CC2D2B: variants seen among roughly 807,000 people sequenced by gnomAD.
CC2D2B encodes coiled-coil and C2 domain containing 2B, also known as protein CC2D2B.
Under a neutral mutation model 161.2 loss-of-function variants are expected in CC2D2B, and 128 were observed. The ratio of observed to expected loss-of-function variants is 0.79; its 90% CI spans 0.69 to 0.92. The LOEUF (loss-of-function observed/expected upper bound fraction) is 0.92. Ranked by LOEUF, CC2D2B falls within the 40% of genes least tolerant of loss-of-function variation. The pLI is 0.00. For synonymous variants in CC2D2B, 391 were observed against 449.8 expected (o/e 0.87, Z 1.65); for missense variants, 1,173 against 1,375.1 (o/e 0.85, Z 2.32).
chr10:96,028,553 G>A (rs1049005181), intron 34 of CC2D2B, among the ~76,000 whole-genome samples: 2 of 152,140 alleles, frequency 1.3e-5, no homozygotes, highest in Non-Finnish European at 2.9e-5. Context: ...AACCACTATC[G>A]AGAATAGTTT....
intron 24 of CC2D2B, 110 bp from the exon 25 acceptor site, chr10:96,004,042 A>T (rs997199069): frequency 4.4e-5 from 29 of 664,548 alleles, no homozygotes; most frequent in Non-Finnish European, 6.5e-5. Flanking sequence ...TTTATACTTC[A>T]TAAAAGAAAA....
rs927340143 is a variant in CC2D2B at position 95,921,997 on chromosome 10, C to G, written c.37-19C>G. ...GACAAAACAAGATGCAAGTTTAACC[C>G]TCCCTGCTTTTTTTGCAGATGTCAG... On this transcript the variant is annotated intron_variant, in intron 2 of 34. Transcript: ENST00000646931. The G allele has an allele frequency of 1.4e-6, 2 of 1,469,092 alleles. No homozygotes were observed. The highest frequency in any genetic ancestry group is 4.4e-5 in the Admixed American group (2 of 45,302). The allele number at this position is 1,469,092 out of a possible 1,614,324, so 91.0% of individuals were successfully genotyped here.
chr10:95,954,231 G>A (rs1310355665), intron 10 of CC2D2B, among the ~76,000 whole-genome samples: 8 of 152,090 alleles, frequency 5.3e-5, no homozygotes, highest in Admixed American at 6.6e-5. Flanking sequence ...GAGTATATAT[G>A]TGTGTGTCAA....
chr10:96,011,197 A>G (rs2078974208), intron 26 of CC2D2B, among the ~76,000 whole-genome samples: 1 of 152,238 alleles, frequency 6.6e-6, no homozygotes, highest in South Asian at 2.1e-4. Flanking sequence ...TGAAGTCATG[A>G]TGGCACGTGT....
chr10:95,918,117 T>C (rs2098520048), intron 2 of CC2D2B, among the ~76,000 whole-genome samples: 1 of 152,194 alleles, frequency 6.6e-6, no homozygotes, highest in Non-Finnish European at 1.5e-5. Flanking sequence ...GGTTCAACTT[T>C]CAGTATTCCC....
At chr10:95,925,181 G>T (rs574899925) in intron 5 of CC2D2B, among the ~76,000 whole-genome samples, 4 of 152,308 alleles carry the variant, frequency 2.6e-5, no homozygotes, top group Non-Finnish European at 5.9e-5. Context: ...GAGTGCCACT[G>T]TGCAGATGGT....
Position 96,032,136 on chromosome 10 carries a change from A to T in CC2D2B, c.*128A>T. On this transcript the variant is annotated 3_prime_UTR_variant, in exon 35 of 35. Transcript: ENST00000646931. ...AAGTGCTGGGCCCAATTTTTGATTC[A>T]CTTACAGAGCTGGGCACTATGGAGA... 1.5e-6 allele frequency: 1 copy of T among 681,022 alleles called. No homozygotes were observed. Among genetic ancestry groups the T allele is most frequent in the Non-Finnish European group, 2.5e-6 (1 of 407,302 alleles). The allele number at this position is 681,022 out of a possible 1,614,324, so 42.2% of individuals were successfully genotyped here.
chr10:95,958,673 T>G (rs760143298), intron 11 of CC2D2B, among the ~76,000 whole-genome samples: 5 of 152,032 alleles, frequency 3.3e-5, no homozygotes, highest in African/African-American at 4.8e-5. Context: ...AGTGATCTTG[T>G]AGATAGGACA....
At chr10:96,013,917 G>A in intron 29 of CC2D2B, 40 bp downstream of exon 29, 8 of 957,084 alleles carry the variant, frequency 8.4e-6, no homozygotes, top group Non-Finnish European at 1.2e-5. Flanking sequence ...GAAATATATA[G>A]TATTTCTTTT....
Position 96,025,172 on chromosome 10 carries a change from T to TAAAAAAA in CC2D2B, c.3947+262_3947+263insAAAAAAA, listed in dbSNP as rs1564683838. On this transcript the variant is annotated intron_variant, in intron 33 of 34. Transcript: ENST00000646931. ...AAAAAAAAATATATATATATATATA[T>TAAAAAAA]ATATATATATATAAAAAAAAATATA... Among the ~76,000 whole-genome samples the TAAAAAAA allele has an allele frequency of 1.7e-3, 30 of 17,622 alleles. 1 individual carries two copies. Among genetic ancestry groups the TAAAAAAA allele is most frequent in the African/African-American group, 2.3e-3 (11 of 4,858 alleles). 11.6% of individuals were successfully genotyped at this position (17,622 alleles called of 152,430 possible). A position where few individuals can be genotyped will look rare whatever the true frequency, so the allele number is the denominator to read the frequency against.
intron 34 of CC2D2B, among the ~76,000 whole-genome samples, chr10:96,030,748 T>C (rs1371417756): frequency 6.6e-6 from 1 of 152,198 alleles, no homozygotes; most frequent in East Asian, 1.9e-4. Flanking sequence ...TAGGTTTTGC[T>C]TTGTTTTTAG....
At chr10:95,931,790 A>C (rs1312648447) in intron 6 of CC2D2B, among the ~76,000 whole-genome samples, 1 of 152,168 alleles carries the variant, frequency 6.6e-6, no homozygotes, top group Non-Finnish European at 1.5e-5. Flanking sequence ...GGAGTGTTTT[A>C]CTTCCAATTA....
At chr10:95,920,754 AGATG>A (rs2098525443) in intron 2 of CC2D2B, 1 of 152,260 alleles carries the variant, frequency 6.6e-6, no homozygotes, top group South Asian at 2.1e-4. Flanking sequence ...TTTAGTTAGC[AGATG>A]GTGAATTCTG....
intron 4 of CC2D2B, 107 bp from the exon 5 acceptor site, chr10:95,924,672 T>A: frequency 1.3e-6 from 1 of 761,544 alleles, no homozygotes; most frequent in Admixed American, 2.6e-5. Context: ...ACCACACTTT[T>A]TAAAAGAAAA....
intron 11 of CC2D2B, among the ~76,000 whole-genome samples, chr10:95,961,038 C>T (rs1243095013): frequency 1.3e-5 from 2 of 152,164 alleles, no homozygotes; most frequent in African/African-American, 4.8e-5. Flanking sequence ...CATCATACTG[C>T]ACCAAAGTAT....
At chr10:95,914,468 C>T (rs538695763) in intron 2 of CC2D2B, among the ~76,000 whole-genome samples, 3 of 152,132 alleles carry the variant, frequency 2.0e-5, no homozygotes, top group East Asian at 1.9e-4. Context: ...ATGGTTTGGC[C>T]GTGTCCCCAT....
At chr10:95,946,578 C>G (rs907894552) in intron 9 of CC2D2B, among the ~76,000 whole-genome samples, 1 of 152,146 alleles carries the variant, frequency 6.6e-6, no homozygotes, top group South Asian at 2.1e-4. Context: ...TACCAATTGT[C>G]TAAATCTCTC....
intron 2 of CC2D2B, chr10:95,913,507 G>T: frequency 3.3e-6 from 1 of 300,124 alleles, no homozygotes; most frequent in African/African-American, 2.2e-5. Context: ...TGGATCATAT[G>T]GTAGCTATAT....
chr10:95,986,019 C>T lies in CC2D2B; in HGVS notation c.2286+2210C>T, dbSNP rs192973787. ...TGATAAGATGTTATCAATGACAATG[C>T]GTGCCCAAAACTTCATTAGCAATTT... On this transcript the variant is annotated intron_variant, in intron 19 of 34. Coordinates refer to ENST00000646931, the MANE Select transcript of CC2D2B (RefSeq NM_001349008.3). 1.5e-3 allele frequency among the ~76,000 whole-genome samples: 231 copies of T among 152,162 alleles called. 1 individual carries two copies. Among genetic ancestry groups the T allele is most frequent in the African/African-American group, 5.3e-3 (218 of 41,516 alleles).
Sources: allele counts gnomAD v4.1 joint callset (sites outside exome capture counted in the v4.1 genomes callset), GRCh38; gene constraint gnomAD v4.1.1; transcripts MANE v1.5; gene names NCBI Gene and HGNC (gene_info 2026-07-23, HGNC 2026-07-21).